Variants in CTNNA3 observed in about 807,000 individuals in gnomAD.
CTNNA3 encodes the protein catenin alpha-3.
Under a neutral mutation model 95.7 loss-of-function variants are expected in CTNNA3, and 76 were observed. The ratio of observed to expected loss-of-function variants is 0.79; its 90% CI spans 0.66 to 0.96. The LOEUF is 0.96. Among genes scored for constraint, CTNNA3 ranks in the 40% least tolerant of loss-of-function variants. The pLI is 0.00. For missense variants in CTNNA3, 1,191 were observed against 1,089.8 expected (o/e 1.09, Z -1.31); for synonymous variants, 431 against 374.4 (o/e 1.15, Z -1.74).
At chr10:67,171,628 C>A (rs763505671) in intron 7 of CTNNA3, among the ~76,000 whole-genome samples, 2 of 151,546 alleles carry the variant, frequency 1.3e-5, no homozygotes, top group Non-Finnish European at 2.9e-5. Context: ...AGTGCACACC[C>A]GTAGTCCCAG....
chr10:66,635,654 T>C (rs2132358344), intron 9 of CTNNA3, among the ~76,000 whole-genome samples: 1 of 152,234 alleles, frequency 6.6e-6, no homozygotes, highest in South Asian at 2.1e-4. Flanking sequence ...TGAATTGCAA[T>C]TGTGTAAACT....
Position 67,126,459 on chromosome 10 carries a change from G to A in CTNNA3, c.1047+53858C>T, listed in dbSNP as rs2894029. 9.8e-3 allele frequency among the ~76,000 whole-genome samples: 1,489 copies of A among 152,296 alleles called. 10 individuals are homozygous for A. Among genetic ancestry groups the A allele is most frequent in the Non-Finnish European group, 0.015 (992 of 68,016 alleles). On this transcript the variant is annotated intron_variant, in intron 7 of 17. Coordinates refer to ENST00000433211, the MANE Select transcript of CTNNA3 (RefSeq NM_013266.4). ...GGAGAATCGCTTGATCCCGGGAGGC[G>A]GAGCCAAGATTGTGCCATTGCACTT...
intron 2 of CTNNA3, among the ~76,000 whole-genome samples, chr10:67,630,765 A>G (rs1384444210): frequency 6.6e-6 from 1 of 152,218 alleles, no homozygotes; most frequent in East Asian, 1.9e-4. Flanking sequence ...AACATGGGAT[A>G]TATTTACAGT....
chr10:67,372,865 C>G (rs1843532464), intron 5 of CTNNA3, among the ~76,000 whole-genome samples: 1 of 152,132 alleles, frequency 6.6e-6, no homozygotes, highest in African/African-American at 2.4e-5. Flanking sequence ...AATTTCATAT[C>G]CAGCCAAACT....
chr10:66,109,644 T>A (rs1298884409), intron 13 of CTNNA3, among the ~76,000 whole-genome samples: 1 of 152,068 alleles, frequency 6.6e-6, no homozygotes, highest in South Asian at 2.1e-4. Context: ...AAAAATAAAT[T>A]TACTTGCAAA....
intron 3 of CTNNA3, among the ~76,000 whole-genome samples, chr10:67,593,832 G>T (rs1842856162): frequency 6.6e-6 from 1 of 152,050 alleles, no homozygotes; most frequent in Non-Finnish European, 1.5e-5. Context: ...TCCTTGTCTT[G>T]CACCAGTTCT....
chr10:67,269,361 C>G (rs930895759), intron 5 of CTNNA3, among the ~76,000 whole-genome samples: 1 of 152,036 alleles, frequency 6.6e-6, no homozygotes, highest in East Asian at 1.9e-4. Context: ...ATGAGAAAAT[C>G]TTATTCTCTG....
intron 9 of CTNNA3, among the ~76,000 whole-genome samples, chr10:66,759,376 G>A (rs1338341465): frequency 6.6e-6 from 1 of 152,102 alleles, no homozygotes; most frequent in Non-Finnish European, 1.5e-5. Context: ...AGAACACCTA[G>A]CCAGGATTCA....
intron 16 of CTNNA3, among the ~76,000 whole-genome samples, chr10:65,976,833 A>G (rs1383686036): frequency 1.3e-5 from 2 of 151,828 alleles, no homozygotes; most frequent in Non-Finnish European, 2.9e-5. Flanking sequence ...TTTTTTTTCT[A>G]TTGAGTTCTG....
At chr10:66,456,081 G>C (rs2093493271) in intron 11 of CTNNA3, among the ~76,000 whole-genome samples, 2 of 152,170 alleles carry the variant, frequency 1.3e-5, no homozygotes, top group African/African-American at 4.8e-5. Flanking sequence ...GATGTTCATA[G>C]ATTGAAAGAC....
At chr10:67,268,057 C>A (rs1589108626) in intron 5 of CTNNA3, among the ~76,000 whole-genome samples, 1 of 151,768 alleles carries the variant, frequency 6.6e-6, no homozygotes, top group South Asian at 2.1e-4. Flanking sequence ...TCTGAAATAA[C>A]TGAAATTTGT....
chr10:67,395,809 A>G (rs896887148), intron 5 of CTNNA3, among the ~76,000 whole-genome samples: 1 of 152,144 alleles, frequency 6.6e-6, no homozygotes, highest in Non-Finnish European at 1.5e-5. Context: ...CCAACAACCT[A>G]TGTGGATAGA....
At chr10:66,668,418 T>G (rs1415678129) in intron 9 of CTNNA3, among the ~76,000 whole-genome samples, 1 of 88,024 alleles carries the variant, frequency 1.1e-5, no homozygotes, top group African/African-American at 4.9e-5. Context: ...TTCTCAACTC[T>G]CATATGTGTG....
chr10:66,735,013 A>G (rs908804221), intron 9 of CTNNA3, among the ~76,000 whole-genome samples: 6 of 151,550 alleles, frequency 4.0e-5, no homozygotes, highest in Admixed American at 6.6e-5. Context: ...GCATTTTTTG[A>G]TTAAATATCT....
chr10:66,685,343 ATATATATATT>A (rs1203742381), intron 9 of CTNNA3, among the ~76,000 whole-genome samples: 30 of 64,836 alleles, frequency 4.6e-4, no homozygotes, highest in Non-Finnish European at 5.8e-4. Context: ...ATATATATAT[ATATATATATT>A]TTTTTTTTTT....
intron 9 of CTNNA3, among the ~76,000 whole-genome samples, chr10:66,659,191 C>G (rs1337103499): frequency 6.7e-6 from 1 of 149,518 alleles, no homozygotes; most frequent in African/African-American, 2.5e-5. Flanking sequence ...AACACACACA[C>G]ACACACACAC....
chr10:67,300,951 T>C (rs1840241955), intron 5 of CTNNA3, among the ~76,000 whole-genome samples: 1 of 152,244 alleles, frequency 6.6e-6, no homozygotes, highest in South Asian at 2.1e-4. Context: ...ATATTTTTTA[T>C]TTAAGTTTTA....
At chr10:66,107,200 A>G (rs769458831) in intron 13 of CTNNA3, among the ~76,000 whole-genome samples, 2 of 152,202 alleles carry the variant, frequency 1.3e-5, no homozygotes, top group African/African-American at 2.4e-5. Context: ...GTGTTAATCA[A>G]TGCAGACATT....
chr10:67,560,947 A>C (rs1564740832), intron 3 of CTNNA3, among the ~76,000 whole-genome samples: 1 of 152,156 alleles, frequency 6.6e-6, no homozygotes, highest in Non-Finnish European at 1.5e-5. Context: ...ACTATCCTAA[A>C]TATATATGCA....
Sources: gnomAD v4.1 joint callset for allele counts (sites outside exome capture counted in the v4.1 genomes callset) on GRCh38, gnomAD v4.1.1 for gene constraint, MANE v1.5 for transcripts, NCBI Gene and HGNC (gene_info 2026-07-23, HGNC 2026-07-21) for gene names.